Variants in ZEB1 observed in about 807,000 individuals in gnomAD.
ZEB1 encodes zinc finger E-box-binding homeobox 1.
A neutral mutation model predicts 84.9 loss-of-function variants in ZEB1; 21 were observed. That is an observed-to-expected ratio of 0.25 (90% CI 0.18 to 0.36). The LOEUF is 0.36. Among genes scored for constraint, ZEB1 ranks in the 10% least tolerant of loss-of-function variants. The pLI is 1.00. For synonymous variants in ZEB1, 420 were observed against 471.1 expected (o/e 0.89, Z 1.41); for missense variants, 1,104 against 1,330.2 (o/e 0.83, Z 2.65).
chr10:31,506,562 G>GT (rs2069013732), intron 4 of ZEB1, among the ~76,000 whole-genome samples: 1 of 151,926 alleles, frequency 6.6e-6, no homozygotes. Context: ...GGATTTAAGA[G>GT]TTTATCTCAT....
At chr10:31,438,155 G>C (rs1374225710) in intron 1 of ZEB1, among the ~76,000 whole-genome samples, 1 of 152,182 alleles carries the variant, frequency 6.6e-6, no homozygotes, top group Non-Finnish European at 1.5e-5. Context: ...CTCCCTCCTG[G>C]CGTCTGTGCA....
At chr10:31,346,080 A>G (rs1331084769) in intron 1 of ZEB1, among the ~76,000 whole-genome samples, 1 of 152,164 alleles carries the variant, frequency 6.6e-6, no homozygotes, top group African/African-American at 2.4e-5. Flanking sequence ...TACTGTGTCC[A>G]GTTGTTTGGA....
At chr10:31,501,780 ATACGGT>A (rs1173465302) in intron 3 of ZEB1, among the ~76,000 whole-genome samples, 12 of 152,306 alleles carry the variant, frequency 7.9e-5, no homozygotes, top group Admixed American at 7.8e-4. Context: ...CTATAATAAA[ATACGGT>A]TATAACAATA....
chr10:31,491,150 T>G (rs750808216), intron 2 of ZEB1, among the ~76,000 whole-genome samples: 11 of 151,824 alleles, frequency 7.2e-5, no homozygotes, highest in Non-Finnish European at 1.2e-4. Flanking sequence ...GTACTTTGAG[T>G]TCCTGGAGAC....
chr10:31,518,865 C>T (rs1364758286), intron 6 of ZEB1, among the ~76,000 whole-genome samples: 1 of 152,136 alleles, frequency 6.6e-6, no homozygotes, highest in East Asian at 1.9e-4. Context: ...TCTTCCAATT[C>T]TTATATATGA....
At position 31,526,067 on chromosome 10, in the gene ZEB1, G is replaced by GT. The variant is rs774498554; in HGVS notation, c.2786-603dup. Reference sequence around the variant, plus strand: ...GCAGCAACACTCCTGTAGCCCATGCGTTCTCAGGAGGGGCAATATTGCCCT... The same window carrying GT: ...GCAGCAACACTCCTGTAGCCCATGCGTTTCTCAGGAGGGGCAATATTGCCCT... On this transcript the variant is annotated intron_variant, in intron 8 of 8. Coordinates refer to ENST00000424869, the MANE Select transcript of ZEB1 (RefSeq NM_001174096.2). Among the ~76,000 whole-genome samples the GT allele has an allele frequency of 1.7e-4, 26 of 152,306 alleles. No homozygotes were observed. The South Asian group carries it at 2.1e-3, about 12-fold the overall frequency.
chr10:31,523,882 T>C, intron 7 of ZEB1, 51 bp from the exon 8 acceptor site: 2 of 1,585,506 alleles, frequency 1.3e-6, no homozygotes, highest in Non-Finnish European at 1.7e-6. Flanking sequence ...GTATATCTCT[T>C]GTTTATCTTT....
intron 1 of ZEB1, among the ~76,000 whole-genome samples, chr10:31,454,248 G>C (rs1316807430): frequency 1.3e-5 from 2 of 152,132 alleles, no homozygotes; most frequent in Non-Finnish European, 2.9e-5. Context: ...TCTAGGTATT[G>C]ATGGAATGTA....
intron 1 of ZEB1, among the ~76,000 whole-genome samples, chr10:31,369,538 C>T (rs1018229554): frequency 6.6e-6 from 1 of 152,130 alleles, no homozygotes; most frequent in Non-Finnish European, 1.5e-5. Context: ...ACAGAATTTT[C>T]CCCTTTTTAA....
chr10:31,357,504 A>G (rs544645203), intron 1 of ZEB1, among the ~76,000 whole-genome samples: 1 of 152,304 alleles, frequency 6.6e-6, no homozygotes, highest in South Asian at 2.1e-4. Context: ...AATTTTTTAT[A>G]CTGATGATCA....
intron 6 of ZEB1, among the ~76,000 whole-genome samples, chr10:31,515,034 A>C (rs2070811435): frequency 6.6e-6 from 1 of 152,084 alleles, no homozygotes; most frequent in African/African-American, 2.4e-5. Context: ...TAGCAGGGGA[A>C]TGGAAAAGAG....
Position 31,395,669 on chromosome 10 carries a change from C to T in ZEB1, c.59-65368C>T, listed in dbSNP as rs547515752. ...TGAACATCAGAGAGCAGGTTGAATG[C>T]ACCTGATTTTAAAGGAAGATTATGC... On this transcript the variant is annotated intron_variant, in intron 1 of 8. Coordinates refer to ENST00000424869, the MANE Select transcript of ZEB1 (RefSeq NM_001174096.2). Among the ~76,000 whole-genome samples the T allele has an allele frequency of 3.1e-3, 469 of 152,270 alleles. 1 individual carries two copies. Among genetic ancestry groups the T allele is most frequent in the Non-Finnish European group, 5.3e-3 (362 of 68,026 alleles).
At chr10:31,322,763 T>TGA (rs774686660) in intron 1 of ZEB1, among the ~76,000 whole-genome samples, 78 of 148,336 alleles carry the variant, frequency 5.3e-4, no homozygotes, top group East Asian at 3.3e-3. Context: ...TTTTTTTTTT[T>TGA]GAGAGAGAGA....
chr10:31,347,094 G>C (rs996695162), intron 1 of ZEB1, among the ~76,000 whole-genome samples: 1 of 152,066 alleles, frequency 6.6e-6, no homozygotes, highest in African/African-American at 2.4e-5. Context: ...GTGGTGGGGA[G>C]GTGTTAGGAA....
intron 1 of ZEB1, among the ~76,000 whole-genome samples, chr10:31,331,794 A>G (rs1353360619): frequency 6.6e-6 from 1 of 152,196 alleles, no homozygotes; most frequent in African/African-American, 2.4e-5. Flanking sequence ...GACTCAAGTC[A>G]CGTTTGGTAA....
chr10:31,339,759 T>C (rs1048332930), intron 1 of ZEB1, among the ~76,000 whole-genome samples: 1 of 146,308 alleles, frequency 6.8e-6, no homozygotes, highest in South Asian at 2.1e-4. Context: ...AGAGACTCTG[T>C]CTCAAATTAA....
At chr10:31,441,243 A>C (rs1159589541) in intron 1 of ZEB1, among the ~76,000 whole-genome samples, 1 of 152,224 alleles carries the variant, frequency 6.6e-6, no homozygotes, top group Non-Finnish European at 1.5e-5. Flanking sequence ...AGGCCTCAGA[A>C]ATAATGCCAC....
intron 1 of ZEB1, among the ~76,000 whole-genome samples, chr10:31,368,443 C>T (rs2045005464): frequency 6.6e-6 from 1 of 152,192 alleles, no homozygotes; most frequent in Non-Finnish European, 1.5e-5. Flanking sequence ...AGGCATAAGC[C>T]ACTGCACCCA....
chr10:31,322,751 C>CTTTT (rs34285204), intron 1 of ZEB1, among the ~76,000 whole-genome samples: 12 of 145,586 alleles, frequency 8.2e-5, no homozygotes, highest in African/African-American at 3.0e-4. Context: ...CTTGTTCTAC[C>CTTTT]TTTTTTTTTT....
Sources: allele counts gnomAD v4.1 joint callset (sites outside exome capture counted in the v4.1 genomes callset), GRCh38; gene constraint gnomAD v4.1.1; transcripts MANE v1.5; gene names NCBI Gene and HGNC (gene_info 2026-07-23, HGNC 2026-07-21).